ZMYND11: variants seen among roughly 807,000 people sequenced by gnomAD.
The protein encoded by ZMYND11 is zinc finger MYND domain-containing protein 11.
In ZMYND11, 9 loss-of-function variants were observed where a neutral mutation model predicts 84.9. That is an observed-to-expected ratio of 0.11 (90% CI 0.06 to 0.18). The LOEUF (loss-of-function observed/expected upper bound fraction) is 0.18. ZMYND11 is among the 10% of genes least tolerant of loss of function. ZMYND11 has a pLI of 1.00. For missense variants in ZMYND11, 409 were observed against 761.0 expected (o/e 0.54, Z 5.44); for synonymous variants, 250 against 244.1 (o/e 1.02, Z -0.23).
At chr10:216,768 A>G (rs1210479538) in intron 3 of ZMYND11, among the ~76,000 whole-genome samples, 1 of 152,164 alleles carries the variant, frequency 6.6e-6, no homozygotes, top group East Asian at 1.9e-4. Context: ...CTGTCTTGTT[A>G]TATACTCTTT....
At chr10:244,190 T>G (rs1589250983) in intron 10 of ZMYND11, among the ~76,000 whole-genome samples, 1 of 152,216 alleles carries the variant, frequency 6.6e-6, no homozygotes, top group East Asian at 1.9e-4. Context: ...TTAAAAAATT[T>G]GATACAATTA....
intron 1 of ZMYND11, among the ~76,000 whole-genome samples, chr10:161,119 G>A (rs576812000): frequency 2.4e-4 from 36 of 151,966 alleles, no homozygotes; most frequent in Admixed American, 1.4e-3. Context: ...GAGCCACTGC[G>A]CCCAGCTGAA....
chr10:152,454 CAA>C (rs1349793195), intron 1 of ZMYND11, among the ~76,000 whole-genome samples: 1 of 152,098 alleles, frequency 6.6e-6, no homozygotes, highest in Non-Finnish European at 1.5e-5. Context: ...CAACAAAAAT[CAA>C]AAGAGACAAA....
At chr10:162,910 T>TA (rs1244291302) in intron 1 of ZMYND11, among the ~76,000 whole-genome samples, 2 of 152,176 alleles carry the variant, frequency 1.3e-5, no homozygotes, top group Non-Finnish European at 2.9e-5. Context: ...TGGACTTTTT[T>TA]ACAGGTCTGC....
chr10:140,471 G>A (rs1554753710), intron 1 of ZMYND11, among the ~76,000 whole-genome samples: 1 of 152,142 alleles, frequency 6.6e-6, no homozygotes, highest in Non-Finnish European at 1.5e-5. Context: ...CAAATGCAAA[G>A]AAATCTGTAA....
At chr10:225,698 A>T (rs1044590622) in intron 4 of ZMYND11, among the ~76,000 whole-genome samples, 1 of 152,192 alleles carries the variant, frequency 6.6e-6, no homozygotes, top group Non-Finnish European at 1.5e-5. Flanking sequence ...CAAATTACAA[A>T]GTCATTTTAT....
intron 2 of ZMYND11, among the ~76,000 whole-genome samples, chr10:202,637 C>A (rs546414401): frequency 6.6e-6 from 1 of 152,088 alleles, no homozygotes; most frequent in Non-Finnish European, 1.5e-5. Context: ...GTGCTAGTTG[C>A]GACTCATCCT....
At chr10:199,533 G>A (rs1429600279) in intron 2 of ZMYND11, among the ~76,000 whole-genome samples, 1 of 151,882 alleles carries the variant, frequency 6.6e-6, no homozygotes, top group Non-Finnish European at 1.5e-5. Flanking sequence ...GGGCTTAAGC[G>A]GTCCTCCTGT....
intron 1 of ZMYND11, among the ~76,000 whole-genome samples, chr10:164,677 G>A (rs1341353589): frequency 1.3e-5 from 2 of 152,180 alleles, no homozygotes; most frequent in Non-Finnish European, 2.9e-5. Flanking sequence ...GTGTGGTGGG[G>A]AAGTGCATTG....
chr10:211,439 C>T (rs935147358), intron 3 of ZMYND11, among the ~76,000 whole-genome samples: 1 of 151,804 alleles, frequency 6.6e-6, no homozygotes, highest in African/African-American at 2.4e-5. Flanking sequence ...AAAAATTTTC[C>T]AAAAAGTTTG....
In ZMYND11 at chr10:239,429, C is replaced by G; in HGVS notation, c.610-9C>G. On this transcript the variant is annotated splice_polypyrimidine_tract_variant and intron_variant, in intron 6 of 14. Coordinates refer to ENST00000381604, the MANE Select transcript of ZMYND11 (RefSeq NM_001370100.5). ...CTCTTTTCGTCATTCTGTTTTTTGC[C>G]CTCTGCAGAAAGTGAATGAAGGGAA... is the stretch of plus-strand genomic sequence containing the variant. The G allele has an allele frequency of 6.2e-7, 1 of 1,607,194 alleles. No individual in the cohort carries two copies. Among genetic ancestry groups the G allele is most frequent in the Non-Finnish European group, 8.5e-7 (1 of 1,176,864 alleles).
At chr10:237,730 G>GTTAAGAAATAC in intron 6 of ZMYND11, 53 bp downstream of exon 6, 1 of 1,411,252 alleles carries the variant, frequency 7.1e-7, no homozygotes, top group South Asian at 1.3e-5. Context: ...TAACTAACAA[G>GTTAAGAAATAC]TTAAAGAATA....
intron 4 of ZMYND11, among the ~76,000 whole-genome samples, chr10:223,743 T>C (rs1175973664): frequency 6.6e-6 from 1 of 152,188 alleles, no homozygotes; most frequent in Non-Finnish European, 1.5e-5. Context: ...AATAATAATC[T>C]TGAAATTGTA....
intron 4 of ZMYND11, among the ~76,000 whole-genome samples, chr10:226,837 G>C (rs904945009): frequency 6.6e-6 from 1 of 152,030 alleles, no homozygotes; most frequent in African/African-American, 2.4e-5. Flanking sequence ...AAACTTTGGT[G>C]TACATCCCAC....
rs56345833 is a variant in ZMYND11 at position 186,642 on chromosome 10, CAAAAAAAAAAAAA to C, written c.116+6539_116+6551del. Among the ~76,000 whole-genome samples, 13 of 95,152 alleles carry C rather than the reference CAAAAAAAAAAAAA, an allele frequency of 1.4e-4. No individual in the cohort carries two copies. In the South Asian group the frequency reaches 1.6e-3, roughly 12 times the overall value. The allele number at this position is 95,152 out of a possible 152,430, so 62.4% of individuals were successfully genotyped here. On this transcript the variant is annotated intron_variant, in intron 2 of 14. Transcript: ENST00000381604. ...ACTGGGGAACAGAGCAGGACTCTCT[CAAAAAAAAAAAAA>C]AAAAAAAAAAAAAAAAAAAAAAAAG...
chr10:222,523 A>G (rs556924162), intron 4 of ZMYND11, among the ~76,000 whole-genome samples: 1 of 152,374 alleles, frequency 6.6e-6, no homozygotes, highest in East Asian at 1.9e-4. Flanking sequence ...TGAGGTCTAC[A>G]AGAATGTCTG....
At chr10:189,814 T>C (rs1939836239) in intron 2 of ZMYND11, among the ~76,000 whole-genome samples, 1 of 152,218 alleles carries the variant, frequency 6.6e-6, no homozygotes, top group Admixed American at 6.5e-5. Context: ...GATTGGAGTC[T>C]ATCAGTTTAC....
chr10:242,993 A>G (rs1951348395), intron 10 of ZMYND11, among the ~76,000 whole-genome samples: 1 of 59,818 alleles, frequency 1.7e-5, no homozygotes, highest in African/African-American at 4.2e-5. Context: ...TGTTTTAATT[A>G]CATTAAGTGG....
intron 1 of ZMYND11, among the ~76,000 whole-genome samples, chr10:139,588 A>G (rs1554753416): frequency 6.6e-6 from 1 of 152,034 alleles, no homozygotes; most frequent in East Asian, 1.9e-4. Context: ...CTACAATTTT[A>G]TAACATAAAT....
Sources: allele counts gnomAD v4.1 joint callset (sites outside exome capture counted in the v4.1 genomes callset), GRCh38; gene constraint gnomAD v4.1.1; transcripts MANE v1.5; gene names NCBI Gene and HGNC (gene_info 2026-07-23, HGNC 2026-07-21).